CDK14: variants seen among roughly 807,000 people sequenced by gnomAD.
CDK14 encodes the protein cyclin dependent kinase 14, also known as cyclin-dependent kinase 14.
In CDK14, 34 loss-of-function variants were observed where a neutral mutation model predicts 60.7. The ratio of observed to expected loss-of-function variants is 0.56; its 90% CI spans 0.43 to 0.75. The LOEUF (loss-of-function observed/expected upper bound fraction) is 0.75. Among genes scored for constraint, CDK14 ranks in the 30% least tolerant of loss-of-function variants. The probability of loss-of-function intolerance (pLI) is 0.00; values close to 1 mark genes in which losing one functional copy is unlikely to be tolerated. For synonymous variants in CDK14, 197 were observed against 203.7 expected, an observed-to-expected ratio of 0.97 and a Z score of 0.28; for missense variants, 482 against 564.1, an observed-to-expected ratio of 0.85 and a Z score of 1.47.
intron 2 of CDK14, among the ~76,000 whole-genome samples, chr7:90,656,615 T>C (rs2116491452): frequency 6.6e-6 from 1 of 152,242 alleles, no homozygotes; most frequent in Admixed American, 6.5e-5. Flanking sequence ...TCTGACCTTG[T>C]GATCTGCCTG....
chr7:90,945,917 G>A (rs1452165869), intron 8 of CDK14, among the ~76,000 whole-genome samples: 1 of 152,146 alleles, frequency 6.6e-6, no homozygotes, highest in East Asian at 1.9e-4. Flanking sequence ...ACATCAAACT[G>A]TCTCTTCATC....
chr7:90,775,474 T>A (rs1441201594), intron 4 of CDK14, among the ~76,000 whole-genome samples: 1 of 152,102 alleles, frequency 6.6e-6, no homozygotes, highest in African/African-American at 2.4e-5. Flanking sequence ...CAGATAAAAA[T>A]CTATTTGAAA....
At chr7:91,029,934 G>A (rs1370949534) in intron 10 of CDK14, among the ~76,000 whole-genome samples, 1 of 152,142 alleles carries the variant, frequency 6.6e-6, no homozygotes, top group African/African-American at 2.4e-5. Flanking sequence ...CTCTGGCTAG[G>A]ATTTCCAGGG....
chr7:90,907,012 C>T (rs975721179), intron 7 of CDK14, among the ~76,000 whole-genome samples: 2 of 151,950 alleles, frequency 1.3e-5, no homozygotes, highest in African/African-American at 4.8e-5. Context: ...TCACTAATAA[C>T]AAATGGTTTA....
At position 91,209,764 on chromosome 7, in the gene CDK14, C is replaced by A. The variant is rs935769579; in HGVS notation, c.*2628C>A. The A allele has an allele frequency of 1.3e-5, 2 of 152,320 alleles. No individual in the cohort carries two copies. The highest frequency in any genetic ancestry group is 2.4e-5 in the African/African-American group (1 of 41,338). 9.4% of individuals were successfully genotyped at this position (152,320 alleles called of 1,614,324 possible). A position where few individuals can be genotyped will look rare whatever the true frequency, so the allele number is the denominator to read the frequency against. ...TTTGTTGACTTAAAAATATGAGATACATAGGATGTGAAAAAAAATGTTTGC... is the reference window on the plus strand; with the variant it reads ...TTTGTTGACTTAAAAATATGAGATAAATAGGATGTGAAAAAAAATGTTTGC... On this transcript the variant is annotated 3_prime_UTR_variant, in exon 15 of 15. Transcript: ENST00000380050.
At chr7:91,197,919 G>A (rs968512236) in intron 14 of CDK14, among the ~76,000 whole-genome samples, 3 of 152,214 alleles carry the variant, frequency 2.0e-5, no homozygotes, top group South Asian at 2.1e-4. Context: ...TCGCTTCCAC[G>A]GATGAATTCA....
intron 5 of CDK14, among the ~76,000 whole-genome samples, chr7:90,823,555 T>A (rs1789622395): frequency 6.6e-6 from 1 of 152,154 alleles, no homozygotes; most frequent in African/African-American, 2.4e-5. Context: ...TGTAAATTAA[T>A]GTGATCAGAT....
chr7:91,127,646 G>C (rs1799994043), intron 14 of CDK14, among the ~76,000 whole-genome samples: 1 of 152,032 alleles, frequency 6.6e-6, no homozygotes, highest in Admixed American at 6.6e-5. Context: ...TCCTATTTTG[G>C]TACAATGTTA....
chr7:90,657,803 T>C (rs1800780893), intron 2 of CDK14, among the ~76,000 whole-genome samples: 1 of 152,198 alleles, frequency 6.6e-6, no homozygotes, highest in Non-Finnish European at 1.5e-5. Flanking sequence ...TACTTCATGC[T>C]AGGGATATCA....
intron 12 of CDK14, among the ~76,000 whole-genome samples, chr7:91,110,265 A>G (rs148549704): frequency 0.021 from 3,179 of 152,236 alleles, 109 homozygotes; most frequent in African/African-American, 0.072. Context: ...TCACAAATGA[A>G]AATATGATTA....
In CDK14 at chr7:90,790,755, A is replaced by G. The variant is rs553256873; in HGVS notation, c.544+103A>G. 8 of 656,516 alleles carry G rather than the reference A, an allele frequency of 1.2e-5. No individual in the cohort carries two copies. In the South Asian group the frequency reaches 1.5e-4, roughly 12 times the overall value. The allele number at this position is 656,516 out of a possible 1,614,324, so 40.7% of individuals were successfully genotyped here. ...ATATGCTGAGTTTTAAAATTACAGGATTGTATCTTTCATTAAAATGTGTAA... is the reference window on the plus strand; with the variant it reads ...ATATGCTGAGTTTTAAAATTACAGGGTTGTATCTTTCATTAAAATGTGTAA... On this transcript the variant is annotated intron_variant, in intron 5 of 14. Coordinates refer to ENST00000380050, the MANE Select transcript of CDK14 (RefSeq NM_001287135.2).
chr7:91,146,781 A>G (rs1255897301), intron 14 of CDK14, among the ~76,000 whole-genome samples: 1 of 151,966 alleles, frequency 6.6e-6, no homozygotes, highest in Non-Finnish European at 1.5e-5. Context: ...CATTCTACAA[A>G]TTTTTCCAGT....
At chr7:90,611,656 C>T (rs963307547) in intron 2 of CDK14, among the ~76,000 whole-genome samples, 2 of 152,142 alleles carry the variant, frequency 1.3e-5, no homozygotes, top group South Asian at 2.1e-4. Flanking sequence ...TCCCTGCCTA[C>T]GACTTGCCTC....
chr7:91,080,612 C>T (rs915529794), intron 12 of CDK14, among the ~76,000 whole-genome samples: 11 of 152,134 alleles, frequency 7.2e-5, no homozygotes, highest in Non-Finnish European at 1.6e-4. Flanking sequence ...GATCACTGGT[C>T]TAACATATTT....
intron 11 of CDK14, among the ~76,000 whole-genome samples, chr7:91,053,329 C>A (rs989584689): frequency 2.0e-5 from 3 of 152,164 alleles, no homozygotes; most frequent in Non-Finnish European, 4.4e-5. Flanking sequence ...TCCCTCCAGG[C>A]TGTAGCAGAG....
intron 12 of CDK14, among the ~76,000 whole-genome samples, chr7:91,082,368 G>C (rs1798506560): frequency 6.6e-6 from 1 of 152,114 alleles, no homozygotes; most frequent in Admixed American, 6.5e-5. Context: ...GCTTGTGGCT[G>C]GTAACAAGAA....
intron 5 of CDK14, among the ~76,000 whole-genome samples, chr7:90,850,341 G>A (rs779029066): frequency 3.3e-5 from 5 of 152,090 alleles, no homozygotes; most frequent in Non-Finnish European, 7.4e-5. Context: ...GCACTTAATA[G>A]GCATTTTCTC....
intron 5 of CDK14, among the ~76,000 whole-genome samples, chr7:90,815,295 A>C (rs1236617861): frequency 2.0e-5 from 3 of 152,230 alleles, no homozygotes; most frequent in Admixed American, 1.3e-4. Context: ...GAAAATGGCC[A>C]TATCAACAAA....
intron 14 of CDK14, among the ~76,000 whole-genome samples, chr7:91,199,515 G>A (rs912856957): frequency 3.3e-5 from 5 of 152,040 alleles, no homozygotes; most frequent in African/African-American, 1.2e-4. Context: ...TTAATAAACA[G>A]TCACACCATT....
Sources: allele counts gnomAD v4.1 joint callset (sites outside exome capture counted in the v4.1 genomes callset), GRCh38; gene constraint gnomAD v4.1.1; transcripts MANE v1.5; gene names NCBI Gene and HGNC (gene_info 2026-07-23, HGNC 2026-07-21).